CDH7: variants seen among roughly 807,000 people sequenced by gnomAD.
CDH7 encodes cadherin 7.
CDH7 carries 25 observed loss-of-function variants against 71.8 expected under a neutral mutation model. The observed-to-expected ratio is 0.35, with a 90% CI of 0.25 to 0.49. The LOEUF (loss-of-function observed/expected upper bound fraction) is 0.49, where lower values mean the gene tolerates loss of function less well. Ranked by LOEUF, CDH7 falls within the 20% of genes least tolerant of loss-of-function variation. The pLI is 0.99. For synonymous variants in CDH7, 381 were observed against 363.8 expected, an observed-to-expected ratio of 1.05 and a Z score of -0.54; for missense variants, 862 against 974.6, an observed-to-expected ratio of 0.88 and a Z score of 1.54.
chr18:65,782,074 CTTT>C lies in CDH7; in HGVS notation c.210+19023_210+19025del, dbSNP rs1910298943. On this transcript the variant is annotated intron_variant, in intron 2 of 11. Transcript: ENST00000397968. ...CCTTCCTTCCTTCCTTTCTTTCTTT[CTTT>C]CTTTCCTTCCTTCCTTCCTTCCTTC... Among the ~76,000 whole-genome samples, 2 of 60,804 alleles carry C rather than the reference CTTT, an allele frequency of 3.3e-5. 1 individual carries two copies. The highest frequency in any genetic ancestry group is 5.4e-5 in the Non-Finnish European group (2 of 37,040). The allele number at this position is 60,804 out of a possible 152,430, so 39.9% of individuals were successfully genotyped here. A position where few individuals can be genotyped will look rare whatever the true frequency, so the allele number is the denominator to read the frequency against.
Position 65,862,676 on chromosome 18 carries a change from C to G in CDH7, c.1623C>G (p.Ala541=), listed in dbSNP as rs761540256. 1 of 1,614,086 alleles carries G rather than the reference C, an allele frequency of 6.2e-7. No individual in the cohort carries two copies. The highest frequency in any genetic ancestry group is 1.1e-5 in the South Asian group (1 of 91,076). The change falls in exon 11 of 12, where the codon GCC becomes GCG. Residue 541 remains alanine, a synonymous_variant. Transcript: ENST00000397968. The part of the protein sequence containing the change: ...FSLKDNKDNT[A]SILTRRNGFR... ...CTTTCGTTATCCTAGACAACACAGC[C>G]TCAATACTGACCAGGAGAAACGGCT...
At chr18:65,854,065 G>C (rs1341190978) in intron 7 of CDH7, among the ~76,000 whole-genome samples, 1 of 150,914 alleles carries the variant, frequency 6.6e-6, no homozygotes, top group Non-Finnish European at 1.5e-5. Flanking sequence ...AACACTTTGA[G>C]AGGCTGAGGC....
rs146530869 is a variant in CDH7 at position 65,840,459 on chromosome 18, G to C, written c.982-3353G>C. 6.3e-3 allele frequency among the ~76,000 whole-genome samples: 950 copies of C among 151,924 alleles called. 11 individuals carry two copies. Among genetic ancestry groups the C allele is most frequent in the African/African-American group, 0.022 (898 of 41,424 alleles). ...TATGTAAGTATGCACTTATATGTAT[G>C]ATATGTTTGGCTGTGTCCCCACCCA... On this transcript the variant is annotated intron_variant, in intron 6 of 11. Transcript: ENST00000397968.
chr18:65,810,094 A>T (rs1047497419), intron 3 of CDH7, 96 bp downstream of exon 3: 8 of 778,332 alleles, frequency 1.0e-5, no homozygotes, highest in African/African-American at 1.7e-5. Flanking sequence ...AAAAAAAAAA[A>T]CCTTACTAGT....
chr18:65,835,468 CCTAT>C (rs1353643522), intron 6 of CDH7, among the ~76,000 whole-genome samples: 1 of 152,166 alleles, frequency 6.6e-6, no homozygotes, highest in Non-Finnish European at 1.5e-5. Flanking sequence ...CCTCTATTAG[CCTAT>C]CTCATAAAAT....
chr18:65,753,400 T>C (rs1915940756), intron 1 of CDH7, among the ~76,000 whole-genome samples: 1 of 152,226 alleles, frequency 6.6e-6, no homozygotes, highest in South Asian at 2.1e-4. Context: ...CTGGATTTCA[T>C]AAGGTTTTAC....
At chr18:65,840,565 T>C (rs944461759) in intron 6 of CDH7, among the ~76,000 whole-genome samples, 26 of 152,196 alleles carry the variant, frequency 1.7e-4, no homozygotes, top group African/African-American at 5.5e-4. Context: ...ATCATGGAGG[T>C]GGTTTCCCCC....
rs1568181257 is a variant in CDH7 at position 65,781,771 on chromosome 18, C to CTTTCTTTCTTTCT, written c.210+18721_210+18722insTCTTTCTTTCTTT. On this transcript the variant is annotated intron_variant, in intron 2 of 11. Transcript: ENST00000397968. ...GTTGATTTCTTTCTTTCTTTCTTTC[C>CTTTCTTTCTTTCT]TTCCTTCCTTCCTTCCTTCCTTCCT... Among the ~76,000 whole-genome samples the CTTTCTTTCTTTCT allele has an allele frequency of 9.5e-4, 37 of 39,090 alleles. 3 individuals are homozygous for CTTTCTTTCTTTCT. The highest frequency in any genetic ancestry group is 3.3e-3 in the African/African-American group (34 of 10,280). 25.6% of individuals were successfully genotyped at this position (39,090 alleles called of 152,430 possible). A position where few individuals can be genotyped will look rare whatever the true frequency, so the allele number is the denominator to read the frequency against.
In CDH7 at chr18:65,888,577, A is replaced by T. The variant is rs1241138292; in HGVS notation, c.*7683A>T. 6.6e-6 allele frequency: 1 copy of T among 152,190 alleles called. No individual in the cohort carries two copies. The highest frequency in any genetic ancestry group is 2.4e-5 in the African/African-American group (1 of 41,438). The allele number at this position is 152,190 out of a possible 1,614,324, so 9.4% of individuals were successfully genotyped here. A position where few individuals can be genotyped will look rare whatever the true frequency, so the allele number is the denominator to read the frequency against. ...CTAAGTGACTGATTTTTAATATAAA[A>T]GTATCACAATAAAGTTTTTCCACAG... is the stretch of plus-strand genomic sequence containing the variant. On this transcript the variant is annotated 3_prime_UTR_variant, in exon 12 of 12. Transcript: ENST00000397968.
chr18:65,753,987 A>T (rs1915957901), intron 1 of CDH7, among the ~76,000 whole-genome samples: 2 of 152,220 alleles, frequency 1.3e-5, no homozygotes, highest in African/African-American at 4.8e-5. Context: ...ACGTGGCCCA[A>T]GGTAAATACA....
At chr18:65,820,943 T>A (rs1911902045) in intron 4 of CDH7, among the ~76,000 whole-genome samples, 2 of 152,090 alleles carry the variant, frequency 1.3e-5, no homozygotes, top group East Asian at 3.8e-4. Context: ...AAATGAGAGA[T>A]GAGTCAAATT....
intron 10 of CDH7, 115 bp from the exon 11 acceptor site, chr18:65,862,551 A>G: frequency 9.7e-7 from 1 of 1,027,072 alleles, no homozygotes; most frequent in South Asian, 1.6e-5. Flanking sequence ...TAAATCTGCA[A>G]CTCCAGAGAT....
chr18:65,836,045 G>A (rs1022670017), intron 6 of CDH7, among the ~76,000 whole-genome samples: 2 of 152,140 alleles, frequency 1.3e-5, no homozygotes, highest in African/African-American at 4.8e-5. Flanking sequence ...GCACTTTGAA[G>A]ATGGAGGAGG....
chr18:65,888,275 C>G lies in CDH7; in HGVS notation c.*7381C>G, dbSNP rs1315992186. The G allele has an allele frequency of 6.6e-6, 1 of 152,056 alleles. No homozygotes were observed. Among genetic ancestry groups the G allele is most frequent in the Admixed American group, 6.6e-5 (1 of 15,252 alleles). The allele number at this position is 152,056 out of a possible 1,614,324, so 9.4% of individuals were successfully genotyped here. On this transcript the variant is annotated 3_prime_UTR_variant, in exon 12 of 12. Coordinates refer to ENST00000397968, the MANE Select transcript of CDH7 (RefSeq NM_004361.5). Reference sequence around the variant, plus strand: ...ATTGGAATAAGTGTAGGAAGACAAGCCGTGAGAATGTGAGACCTCAGTATA... The same window carrying G: ...ATTGGAATAAGTGTAGGAAGACAAGGCGTGAGAATGTGAGACCTCAGTATA...
At chr18:65,878,647 C>G (rs1166243861) in intron 11 of CDH7, among the ~76,000 whole-genome samples, 1 of 152,096 alleles carries the variant, frequency 6.6e-6, no homozygotes, top group African/African-American at 2.4e-5. Context: ...TAGGTTGGTG[C>G]AAAAGTAATT....
intron 2 of CDH7, among the ~76,000 whole-genome samples, chr18:65,773,159 C>G (rs1341825373): frequency 2.0e-5 from 3 of 152,136 alleles, no homozygotes; most frequent in Non-Finnish European, 4.4e-5. Flanking sequence ...AGAGGTTCAA[C>G]AGTCATACAA....
rs1407749080 is a variant in CDH7 at position 65,884,401 on chromosome 18, A to G, written c.*3507A>G. The G allele has an allele frequency of 6.6e-6, 1 of 152,168 alleles. No homozygotes were observed. Among genetic ancestry groups the G allele is most frequent in the African/African-American group, 2.4e-5 (1 of 41,444 alleles). 9.4% of individuals were successfully genotyped at this position (152,168 alleles called of 1,614,324 possible). ...GATCTGGTAAATGTCTTTATTTGCC[A>G]GGAAGCTCTGCTGATGACTACAATT... On this transcript the variant is annotated 3_prime_UTR_variant, in exon 12 of 12. Transcript: ENST00000397968.
intron 2 of CDH7, among the ~76,000 whole-genome samples, chr18:65,809,313 G>A (rs933671340): frequency 1.3e-5 from 2 of 152,110 alleles, no homozygotes; most frequent in Non-Finnish European, 2.9e-5. Context: ...ATTTACAAAT[G>A]TTCTATAGAA....
At chr18:65,768,179 T>C (rs559157130) in intron 2 of CDH7, among the ~76,000 whole-genome samples, 2 of 152,268 alleles carry the variant, frequency 1.3e-5, no homozygotes, top group Non-Finnish European at 2.9e-5. Flanking sequence ...TATTTTGTGA[T>C]GAAAACAGCA....
Sources: gnomAD v4.1 joint callset for allele counts (sites outside exome capture counted in the v4.1 genomes callset) on GRCh38, gnomAD v4.1.1 for gene constraint, MANE v1.5 for transcripts, NCBI Gene and HGNC (gene_info 2026-07-23, HGNC 2026-07-21) for gene names.